The following OTOGL variants were observed in gnomAD, a reference collection of about 807,000 sequenced individuals.
The protein encoded by OTOGL is otogelin-like protein.
Under a neutral mutation model 318.5 loss-of-function variants are expected in OTOGL, and 285 were observed. The observed-to-expected ratio is 0.89, with a 90% CI of 0.81 to 0.99. OTOGL has a LOEUF of 0.99. OTOGL is among the 50% of genes least tolerant of loss of function. The pLI is 0.00. For synonymous variants in OTOGL, 987 were observed against 936.5 expected, an observed-to-expected ratio of 1.05 and a Z score of -0.99; for missense variants, 2,899 against 2,845.6, an observed-to-expected ratio of 1.02 and a Z score of -0.43.
chr12:80,149,400 C>A (rs1444384666), intron 1 of OTOGL, among the ~76,000 whole-genome samples: 1 of 152,160 alleles, frequency 6.6e-6, no homozygotes, highest in Non-Finnish European at 1.5e-5. Flanking sequence ...GGTCAGGGAC[C>A]CACTTGAGGA....
chr12:80,241,146 T>A (rs1880339853), intron 11 of OTOGL, among the ~76,000 whole-genome samples: 2 of 152,110 alleles, frequency 1.3e-5, no homozygotes, highest in Admixed American at 6.5e-5. Flanking sequence ...TGAGGTAGTA[T>A]GAAATTGTGT....
intron 1 of OTOGL, among the ~76,000 whole-genome samples, chr12:80,120,832 AC>A (rs1870446159): frequency 6.6e-6 from 1 of 152,160 alleles, no homozygotes; most frequent in African/African-American, 2.4e-5. Flanking sequence ...TGTAGTAGAC[AC>A]TATGGAGCAT....
At chr12:80,120,457 A>T (rs2137097493) in intron 1 of OTOGL, among the ~76,000 whole-genome samples, 1 of 152,240 alleles carries the variant, frequency 6.6e-6, no homozygotes, top group African/African-American at 2.4e-5. Context: ...CACATAAAAG[A>T]TTTAAACTCA....
chr12:80,102,864 T>C, intron 1 of OTOGL: 1 of 750,518 alleles, frequency 1.3e-6, no homozygotes, highest in Non-Finnish European at 2.4e-6. Context: ...TTCTCCTTTG[T>C]TTCAAGTTTT....
At chr12:80,103,152 T>A in intron 1 of OTOGL, 1 of 1,192,022 alleles carries the variant, frequency 8.4e-7, no homozygotes, top group Non-Finnish European at 1.3e-6. Context: ...ACCTTCGTAG[T>A]GTCCTCGTAC....
rs748851668 is a variant in OTOGL, at chr12:80,267,263, C to T, written c.2401C>T (p.Arg801Cys). The change falls in exon 22 of 59, where the codon CGT becomes TGT. Residue 801 changes from arginine to cysteine, a missense_variant. Arg to Cys is a radical substitution (Grantham distance 180). Around this residue, in one of 3 missense-constraint regions of OTOGL, gnomAD observed 2,607 missense variants for 2,524.9 expected, o/e 1.03. Coordinates refer to ENST00000547103, the MANE Select transcript of OTOGL (RefSeq NM_001378609.3). ...TTTTTCTTCGTATAGATTCCACTGC[C>T]GTTGTCATTATAGGGGCAGTGTTTA... ...LNFCVPIFHC[R>C]CHYRGSVYQP... 21 of 1,550,400 alleles carry T rather than the reference C, an allele frequency of 1.4e-5. No homozygotes were observed. Among genetic ancestry groups the T allele is most frequent in the African/African-American group, 8.2e-5 (6 of 73,166 alleles).
chr12:80,154,172 G>T (rs1435330849), intron 1 of OTOGL, among the ~76,000 whole-genome samples: 1 of 152,092 alleles, frequency 6.6e-6, no homozygotes, highest in African/African-American at 2.4e-5. Context: ...AGCCAGGCAT[G>T]GTGGCTCACG....
chr12:80,352,539 G>A, intron 45 of OTOGL, 103 bp downstream of exon 45: 1 of 970,072 alleles, frequency 1.0e-6, no homozygotes, highest in Non-Finnish European at 1.4e-6. Context: ...AATTTAGTAA[G>A]CATAAAATGC....
intron 12 of OTOGL, 124 bp from the exon 13 acceptor site, chr12:80,251,952 C>CA: frequency 1.2e-6 from 1 of 856,378 alleles, no homozygotes. Context: ...AACAAGTATG[C>CA]AATTTTTTTG....
intron 1 of OTOGL, among the ~76,000 whole-genome samples, chr12:80,110,722 T>C (rs1869786249): frequency 6.6e-6 from 1 of 152,232 alleles, no homozygotes; most frequent in Admixed American, 6.5e-5. Flanking sequence ...TACGTGTGCA[T>C]GTGTCTTTAT....
intron 11 of OTOGL, among the ~76,000 whole-genome samples, chr12:80,241,585 T>C (rs576248713): frequency 6.6e-6 from 1 of 152,302 alleles, no homozygotes; most frequent in South Asian, 2.1e-4. Context: ...TCCAGTCATC[T>C]TTTCAATTGC....
chr12:80,295,662 TG>T (rs1198217854), intron 26 of OTOGL, among the ~76,000 whole-genome samples: 1 of 152,182 alleles, frequency 6.6e-6, no homozygotes, highest in Non-Finnish European at 1.5e-5. Flanking sequence ...AATCAGTGAA[TG>T]GGCTCTTAGA....
At chr12:80,106,492 T>C (rs554827026) in intron 1 of OTOGL, among the ~76,000 whole-genome samples, 29 of 152,186 alleles carry the variant, frequency 1.9e-4, no homozygotes, top group Non-Finnish European at 3.8e-4. Flanking sequence ...ATATATTTTT[T>C]GGTAATTCCT....
intron 1 of OTOGL, among the ~76,000 whole-genome samples, chr12:80,191,428 G>C (rs771290936): frequency 1.3e-5 from 2 of 152,078 alleles, no homozygotes; most frequent in Non-Finnish European, 2.9e-5. Flanking sequence ...ACAGAGCAAG[G>C]CCTCAAAATA....
intron 44 of OTOGL, among the ~76,000 whole-genome samples, chr12:80,350,553 C>T (rs1361573721): frequency 2.0e-5 from 3 of 152,160 alleles, no homozygotes; most frequent in Non-Finnish European, 4.4e-5. Context: ...TCCCTACATC[C>T]TCGCCAATGA....
intron 1 of OTOGL, among the ~76,000 whole-genome samples, chr12:80,204,978 C>T (rs1156473909): frequency 1.3e-5 from 2 of 151,966 alleles, no homozygotes; most frequent in Non-Finnish European, 2.9e-5. Flanking sequence ...ACCCCAAATT[C>T]AAAATTACAA....
intron 11 of OTOGL, among the ~76,000 whole-genome samples, chr12:80,243,644 A>G (rs991566004): frequency 5.9e-5 from 9 of 151,638 alleles, no homozygotes; most frequent in Non-Finnish European, 8.8e-5. Context: ...ATGTATGTTG[A>G]GAAAATAATT....
chr12:80,357,855 G>A (rs944910237), intron 49 of OTOGL, among the ~76,000 whole-genome samples: 1 of 152,140 alleles, frequency 6.6e-6, no homozygotes, highest in Non-Finnish European at 1.5e-5. Context: ...TATCAAAGGT[G>A]GGACGGCATG....
At position 80,191,096 on chromosome 12, in the gene OTOGL, TG is replaced by T. The variant is rs111767151; in HGVS notation, c.-19-18315del. On this transcript the variant is annotated intron_variant, in intron 1 of 58. Coordinates refer to ENST00000547103, the MANE Select transcript of OTOGL (RefSeq NM_001378609.3). ...TTTACCTTCTAGGATAGATCAAACC[TG>T]GCCATATGACATCTTCAAATTTATT... Among the ~76,000 whole-genome samples the T allele has an allele frequency of 2.7e-3, 410 of 152,296 alleles. 2 individuals carry two copies. The highest frequency in any genetic ancestry group is 9.1e-3 in the African/African-American group (377 of 41,568).
Sources: allele counts gnomAD v4.1 joint callset (sites outside exome capture counted in the v4.1 genomes callset), GRCh38; gene constraint gnomAD v4.1.1; regional missense constraint gnomAD v4.1.1; transcripts MANE v1.5; gene names NCBI Gene and HGNC (gene_info 2026-07-23, HGNC 2026-07-21).